The following FLT3 variants were observed in gnomAD, a reference collection of about 807,000 sequenced individuals.
FLT3 encodes receptor-type tyrosine-protein kinase FLT3.
FLT3 carries 46 observed loss-of-function variants against 126.6 expected under a neutral mutation model. That is an observed-to-expected ratio of 0.36 (90% CI 0.29 to 0.46). FLT3 has a LOEUF of 0.46. FLT3 is among the 20% of genes least tolerant of loss of function. The pLI is 1.00. For synonymous variants in FLT3, 404 were observed against 434.4 expected (o/e 0.93, Z 0.87); for missense variants, 1,069 against 1,190.3 (o/e 0.90, Z 1.50).
chr13:28,076,828 G>A (rs991385724), intron 1 of FLT3, among the ~76,000 whole-genome samples: 1 of 152,106 alleles, frequency 6.6e-6, no homozygotes, highest in Admixed American at 6.6e-5. Context: ...TCAGGAAACT[G>A]AGGCAGGAAG....
At chr13:28,049,584 A>C (rs1377688602) in intron 7 of FLT3, 47 bp from the exon 8 acceptor site, 12 of 1,612,906 alleles carry the variant, frequency 7.4e-6, no homozygotes, top group African/African-American at 1.3e-5. Flanking sequence ...TTCAATCCAG[A>C]CTATTAGTTA....
At position 28,033,961 on chromosome 13, in the gene FLT3, T is replaced by C. The variant is rs745546914; in HGVS notation, c.1868A>G (p.Lys623Arg). The change falls in exon 15 of 24, where the codon AAA becomes AGA. Residue 623 changes from lysine to arginine, a missense_variant. Lys to Arg is a conservative substitution (Grantham distance 26). Transcript: ENST00000241453. Reference protein sequence around the residue: ...GKVLGSGAFGKVMNATAYGIS... With the variant: ...GKVLGSGAFGRVMNATAYGIS... ...TCCATAAGCTGTTGCGTTCATCACT[T>C]TTCCAAAAGCACCTGATCCTAGTAC... The C allele has an allele frequency of 1.2e-6, 2 of 1,614,194 alleles. No individual in the cohort carries two copies. Among genetic ancestry groups the C allele is most frequent in the South Asian group, 2.2e-5 (2 of 91,076 alleles).
chr13:28,078,082 T>C (rs925671907), intron 1 of FLT3, among the ~76,000 whole-genome samples: 3 of 152,186 alleles, frequency 2.0e-5, no homozygotes, highest in Admixed American at 6.5e-5. Flanking sequence ...GGGCTGGCAT[T>C]GTGTCTGCAG....
chr13:28,098,314 C>CAAAAAAAAAAAAAAAAA (rs55675449), intron 1 of FLT3, among the ~76,000 whole-genome samples: 61 of 85,280 alleles, frequency 7.2e-4, no homozygotes, highest in African/African-American at 2.4e-3. Flanking sequence ...GACTCCGTCT[C>CAAAAAAAAAAAAAAAAA]AAAAAAAAAA....
chr13:28,039,615 C>T (rs549450337), intron 9 of FLT3, among the ~76,000 whole-genome samples: 2 of 141,292 alleles, frequency 1.4e-5, no homozygotes, highest in African/African-American at 5.4e-5. Context: ...GTGGCGTGAT[C>T]TTGGCTCACT....
chr13:28,090,253 G>C (rs1878949973), intron 1 of FLT3, among the ~76,000 whole-genome samples: 1 of 150,348 alleles, frequency 6.7e-6, no homozygotes, highest in Admixed American at 6.6e-5. Flanking sequence ...GGCCAAGCTG[G>C]TCTTGAACTC....
chr13:28,060,846 C>G (rs1428717032), intron 3 of FLT3, among the ~76,000 whole-genome samples: 1 of 151,530 alleles, frequency 6.6e-6, no homozygotes, highest in Non-Finnish European at 1.5e-5. Flanking sequence ...CTCAGGTGAT[C>G]CTCCCACCTC....
chr13:28,077,483 T>C (rs1360706048), intron 1 of FLT3, among the ~76,000 whole-genome samples: 1 of 152,162 alleles, frequency 6.6e-6, no homozygotes, highest in East Asian at 1.9e-4. Context: ...GTGAGACTTA[T>C]TCACTATCAT....
chr13:28,030,088 G>T (rs2137661245), intron 15 of FLT3, among the ~76,000 whole-genome samples: 1 of 152,218 alleles, frequency 6.6e-6, no homozygotes, highest in South Asian at 2.1e-4. Flanking sequence ...TGAAGATTTG[G>T]TTCGATTGCC....
At chr13:28,015,292 C>A (rs2137611882) in intron 21 of FLT3, 36 bp from the exon 22 acceptor site, 1 of 1,289,984 alleles carries the variant, frequency 7.8e-7, no homozygotes, top group East Asian at 2.3e-5. Context: ...GCCATTCATC[C>A]ATTTCTTCAT....
At chr13:28,056,702 G>T (rs1260348935) in intron 4 of FLT3, among the ~76,000 whole-genome samples, 1 of 152,202 alleles carries the variant, frequency 6.6e-6, no homozygotes, top group East Asian at 1.9e-4. Context: ...ATGTGGGCCC[G>T]CGCTGTCCAA....
chr13:28,053,758 A>G (rs73439159), intron 4 of FLT3, among the ~76,000 whole-genome samples: 4,061 of 92,410 alleles, frequency 0.044, 165 homozygotes, highest in African/African-American at 0.14. Context: ...ATGTAGCTAT[A>G]CTTTATTCAT....
chr13:28,065,843 AT>A (rs1335324877), intron 2 of FLT3, among the ~76,000 whole-genome samples: 1 of 150,938 alleles, frequency 6.6e-6, no homozygotes, highest in East Asian at 1.9e-4. Context: ...AATAATAATA[AT>A]AATAATAATA....
intron 15 of FLT3, among the ~76,000 whole-genome samples, chr13:28,033,119 C>A (rs910211342): frequency 6.6e-6 from 1 of 150,698 alleles, no homozygotes; most frequent in Non-Finnish European, 1.5e-5. Context: ...AGTTTGCAAC[C>A]ATCCTGGGCA....
intron 1 of FLT3, among the ~76,000 whole-genome samples, chr13:28,093,416 T>TCC (rs1387632423): frequency 6.6e-6 from 1 of 152,146 alleles, no homozygotes; most frequent in African/African-American, 2.4e-5. Context: ...CACCAAAGTA[T>TCC]CCCTTACACA....
At chr13:28,067,983 A>C (rs1418880764) in intron 2 of FLT3, 2 of 279,492 alleles carry the variant, frequency 7.2e-6, no homozygotes, top group African/African-American at 4.6e-5. Flanking sequence ...TCAGTTCTTC[A>C]CAAAGAGAAA....
chr13:28,023,707 C>G (rs1872590721), intron 18 of FLT3, among the ~76,000 whole-genome samples: 1 of 152,130 alleles, frequency 6.6e-6, no homozygotes, highest in Non-Finnish European at 1.5e-5. Flanking sequence ...TGACCGATGA[C>G]CTCCTGATTG....
chr13:28,060,488 GA>G (rs1282509873), intron 3 of FLT3, among the ~76,000 whole-genome samples: 26 of 144,208 alleles, frequency 1.8e-4, no homozygotes, highest in African/African-American at 2.5e-4. Flanking sequence ...AAAGAAAAAG[GA>G]AAAAAAATCC....
intron 19 of FLT3, among the ~76,000 whole-genome samples, chr13:28,021,881 T>C (rs1162917880): frequency 2.0e-5 from 3 of 151,870 alleles, no homozygotes; most frequent in African/African-American, 7.3e-5. Context: ...TAGCTGGGAC[T>C]ACAGGCGCCC....
Sources: allele counts gnomAD v4.1 joint callset (sites outside exome capture counted in the v4.1 genomes callset), GRCh38; gene constraint gnomAD v4.1.1; transcripts MANE v1.5; gene names NCBI Gene and HGNC (gene_info 2026-07-23, HGNC 2026-07-21).